GALNTL6: variants seen among roughly 807,000 people sequenced by gnomAD.
The protein encoded by GALNTL6 is polypeptide N-acetylgalactosaminyltransferase-like 6.
GALNTL6 carries 46 observed loss-of-function variants against 73.7 expected under a neutral mutation model. That is an observed-to-expected ratio of 0.62 (90% confidence interval 0.49 to 0.80). The LOEUF (loss-of-function observed/expected upper bound fraction) is 0.80, where lower values mean the gene tolerates loss of function less well. Among genes scored for constraint, GALNTL6 ranks in the 30% least tolerant of loss-of-function variants. The probability of loss-of-function intolerance (pLI) is 0.00; values close to 1 mark genes in which losing one functional copy is unlikely to be tolerated. For synonymous variants in GALNTL6, 259 were observed against 263.7 expected, an observed-to-expected ratio of 0.98 and a Z score of 0.17; for missense variants, 604 against 755.0, an observed-to-expected ratio of 0.80 and a Z score of 2.34.
chr4:172,644,942 T>C (rs1325853269), intron 5 of GALNTL6, among the ~76,000 whole-genome samples: 3 of 152,024 alleles, frequency 2.0e-5, no homozygotes, highest in African/African-American at 7.2e-5. Context: ...CATTTCATAA[T>C]GACTAATGAT....
chr4:172,431,689 T>C (rs989164849), intron 5 of GALNTL6, among the ~76,000 whole-genome samples: 8 of 152,126 alleles, frequency 5.3e-5, no homozygotes, highest in African/African-American at 1.4e-4. Context: ...GAAGATTTCA[T>C]AACATAATTT....
At chr4:172,829,896 C>A (rs1742527496) in intron 7 of GALNTL6, among the ~76,000 whole-genome samples, 1 of 152,170 alleles carries the variant, frequency 6.6e-6, no homozygotes, top group Non-Finnish European at 1.5e-5. Context: ...CAAAGGAAAT[C>A]TAATTCCACA....
intron 5 of GALNTL6, among the ~76,000 whole-genome samples, chr4:172,787,604 A>C (rs904795402): frequency 3.3e-5 from 5 of 152,240 alleles, no homozygotes; most frequent in African/African-American, 1.2e-4. Context: ...GATGGAATAC[A>C]GAGCCCAAAG....
chr4:172,563,605 A>G (rs2110931705), intron 5 of GALNTL6, among the ~76,000 whole-genome samples: 1 of 152,362 alleles, frequency 6.6e-6, no homozygotes, highest in Non-Finnish European at 1.5e-5. Flanking sequence ...GAAAGCTAGC[A>G]CTGAGGTTTT....
chr4:171,850,562 G>A lies in GALNTL6; in HGVS notation c.138+35844G>A, dbSNP rs563162124. 3.1e-3 allele frequency among the ~76,000 whole-genome samples: 207 copies of A among 67,496 alleles called. 1 individual carries two copies. Among genetic ancestry groups the A allele is most frequent in the African/African-American group, 9.2e-3 (200 of 21,790 alleles). 44.3% of individuals were successfully genotyped at this position (67,496 alleles called of 152,430 possible). On this transcript the variant is annotated intron_variant, in intron 2 of 12. Coordinates refer to ENST00000506823, the MANE Select transcript of GALNTL6 (RefSeq NM_001034845.3). Reference sequence around the variant, plus strand: ...AAAACCTTGTGGTAACTAGAACCTAGTTCATTTTGTTAAGTGCAGGTGTGT... The same window carrying A: ...AAAACCTTGTGGTAACTAGAACCTAATTCATTTTGTTAAGTGCAGGTGTGT...
chr4:171,840,437 G>C (rs1735208958), intron 2 of GALNTL6, among the ~76,000 whole-genome samples: 1 of 152,140 alleles, frequency 6.6e-6, no homozygotes, highest in African/African-American at 2.4e-5. Context: ...TTTGGAGCTG[G>C]CATGCTGTGA....
chr4:173,002,019 TG>T (rs1297961741), intron 10 of GALNTL6, among the ~76,000 whole-genome samples: 2 of 152,222 alleles, frequency 1.3e-5, no homozygotes, highest in Non-Finnish European at 2.9e-5. Context: ...CCTAGGTGTA[TG>T]GGCAAAATAA....
At chr4:172,427,078 T>C (rs1375913185) in intron 5 of GALNTL6, among the ~76,000 whole-genome samples, 1 of 152,124 alleles carries the variant, frequency 6.6e-6, no homozygotes, top group African/African-American at 2.4e-5. Context: ...GATAAGTCAT[T>C]CAACCAAGTC....
intron 7 of GALNTL6, among the ~76,000 whole-genome samples, chr4:172,815,800 C>T (rs752351470): frequency 1.3e-5 from 2 of 152,202 alleles, no homozygotes; most frequent in African/African-American, 2.4e-5. Context: ...TTGCATTCAT[C>T]TATTGCATAT....
chr4:172,583,590 A>G (rs1737277231), intron 5 of GALNTL6, among the ~76,000 whole-genome samples: 1 of 152,170 alleles, frequency 6.6e-6, no homozygotes, highest in South Asian at 2.1e-4. Flanking sequence ...TCCTGTACTG[A>G]ACAGTGTAAG....
At chr4:172,820,191 T>G (rs987096497) in intron 7 of GALNTL6, among the ~76,000 whole-genome samples, 2 of 152,184 alleles carry the variant, frequency 1.3e-5, no homozygotes, top group African/African-American at 4.8e-5. Flanking sequence ...GAGGGGCTCC[T>G]TCTCCTTGGT....
intron 2 of GALNTL6, among the ~76,000 whole-genome samples, chr4:171,933,673 G>C (rs1578984977): frequency 6.6e-6 from 1 of 152,070 alleles, no homozygotes; most frequent in African/African-American, 2.4e-5. Context: ...AAACGATTAT[G>C]ATTGGAGATA....
intron 5 of GALNTL6, among the ~76,000 whole-genome samples, chr4:172,468,813 T>G (rs765825236): frequency 1.3e-5 from 2 of 152,136 alleles, no homozygotes; most frequent in Non-Finnish European, 2.9e-5. Flanking sequence ...TTTGTGCAAA[T>G]ATTAAATTAG....
chr4:172,864,667 A>G (rs146922485), intron 7 of GALNTL6, among the ~76,000 whole-genome samples: 17 of 152,326 alleles, frequency 1.1e-4, no homozygotes, highest in African/African-American at 4.1e-4. Context: ...GATGATTAAC[A>G]GTATTTCCAG....
chr4:172,250,446 A>G (rs867047519), intron 3 of GALNTL6, among the ~76,000 whole-genome samples: 1 of 152,128 alleles, frequency 6.6e-6, no homozygotes. Flanking sequence ...AAATGTGAGG[A>G]CATGAGATTT....
chr4:172,703,718 G>A (rs1470567589), intron 5 of GALNTL6, among the ~76,000 whole-genome samples: 1 of 151,846 alleles, frequency 6.6e-6, no homozygotes, highest in African/African-American at 2.4e-5. Context: ...CAATGAATTT[G>A]GGAGAACTCC....
At chr4:172,298,955 CT>C (rs1257346993) in intron 3 of GALNTL6, among the ~76,000 whole-genome samples, 8 of 152,294 alleles carry the variant, frequency 5.3e-5, no homozygotes, top group African/African-American at 1.9e-4. Context: ...CCAGCTCCTC[CT>C]TGTATCTCTG....
At chr4:172,660,402 A>C (rs572054522) in intron 5 of GALNTL6, among the ~76,000 whole-genome samples, 1 of 152,346 alleles carries the variant, frequency 6.6e-6, no homozygotes, top group East Asian at 1.9e-4. Flanking sequence ...TTTACTGCCC[A>C]TACACGATCA....
At chr4:172,138,324 A>T (rs1404735470) in intron 2 of GALNTL6, among the ~76,000 whole-genome samples, 1 of 149,680 alleles carries the variant, frequency 6.7e-6, no homozygotes, top group Non-Finnish European at 1.5e-5. Flanking sequence ...TAGGTGTTAC[A>T]TGTTATTATA....
Sources: allele counts gnomAD v4.1 joint callset (sites outside exome capture counted in the v4.1 genomes callset), GRCh38; gene constraint gnomAD v4.1.1; transcripts MANE v1.5; gene names NCBI Gene and HGNC (gene_info 2026-07-23, HGNC 2026-07-21).